The following BARD1 variants were observed in gnomAD, a reference collection of about 807,000 sequenced individuals.
The protein encoded by BARD1 is BRCA1-associated RING domain protein 1.
BARD1 carries 73 observed loss-of-function variants against 77.0 expected under a neutral mutation model. The ratio of observed to expected loss-of-function variants is 0.95; its 90% confidence interval spans 0.79 to 1.15. BARD1 has a LOEUF of 1.15. BARD1 is among the 50% of genes most tolerant of loss of function. BARD1 has a pLI of 0.00. For missense variants in BARD1, 993 were observed against 938.8 expected (o/e 1.06, Z -0.75); for synonymous variants, 384 against 338.0 (o/e 1.14, Z -1.49).
At position 214,745,771 on chromosome 2, in the gene BARD1, C is replaced by T. The variant is rs1060501284; in HGVS notation, c.1761G>A (p.Glu587=). ...LSSEQQKMLS[E]LAVILKAKKY... is the part of the protein sequence containing the mutation. ...TTTTAGCCTTAAGAATTACTGCAAG[C>T]TCACTGAGCATTTTCTGTTGTTCTG... Residue 587 remains glutamate (E), a synonymous_variant, in exon 8 of 11, where the codon GAG becomes GAA. Transcript: ENST00000260947. 6.2e-7 allele frequency: 1 copy of T among 1,614,056 alleles called. No homozygotes were observed.
At chr2:214,779,515 C>G (rs755072894) in intron 4 of BARD1, among the ~76,000 whole-genome samples, 4 of 152,156 alleles carry the variant, frequency 2.6e-5, no homozygotes, top group Non-Finnish European at 5.9e-5. Flanking sequence ...CCTCATTAAT[C>G]TGGAAGAAAA....
At chr2:214,741,986 T>C (rs1418171563) in intron 9 of BARD1, among the ~76,000 whole-genome samples, 1 of 152,196 alleles carries the variant, frequency 6.6e-6, no homozygotes, top group African/African-American at 2.4e-5. Flanking sequence ...ATAGAGAAAA[T>C]TACAAATAAA....
In BARD1 at chr2:214,730,401, A is replaced by G. The variant is rs769194998; in HGVS notation, c.2001+10T>C. 4 of 1,609,726 alleles carry G rather than the reference A, an allele frequency of 2.5e-6. No individual in the cohort carries two copies. The Admixed American group carries it at 5.0e-5, about 20-fold the overall frequency. The stretch of plus-strand genomic sequence containing the variant: ...TAAGAACAATGAAAGTTGTATTAAA[A>G]GAAAAATACCAGCTGTTCTCTGTTG... On this transcript the variant is annotated intron_variant, in intron 10 of 10. Transcript: ENST00000260947.
intron 9 of BARD1, among the ~76,000 whole-genome samples, chr2:214,740,327 C>T (rs6435851): frequency 0.034 from 5,184 of 152,024 alleles, 285 homozygotes; most frequent in African/African-American, 0.12. Context: ...GACCAAAGCC[C>T]TTCCCTATCC....
intron 7 of BARD1, among the ~76,000 whole-genome samples, chr2:214,747,179 T>C (rs1693163057): frequency 6.6e-6 from 1 of 152,026 alleles, no homozygotes; most frequent in African/African-American, 2.4e-5. Flanking sequence ...CTAGTTAGAA[T>C]GGCTATCATT....
rs947509938 is a variant in BARD1, at chr2:214,727,882, G to A, written c.*794C>T. 1 of 218,990 alleles carries A rather than the reference G, an allele frequency of 4.6e-6. No homozygotes were observed. The highest frequency in any genetic ancestry group is 5.8e-5 in the Admixed American group (1 of 17,280). 13.6% of individuals were successfully genotyped at this position (218,990 alleles called of 1,614,324 possible). A position where few individuals can be genotyped will look rare whatever the true frequency, so the allele number is the denominator to read the frequency against. ...GTTGGACTGACAATTTGCTAGACTG[G>A]TCAGACCTTTTAAAAAATACTAACA... is the stretch of plus-strand genomic sequence containing the variant. On this transcript the variant is annotated 3_prime_UTR_variant, in exon 11 of 11. Transcript: ENST00000260947.
intron 6 of BARD1, among the ~76,000 whole-genome samples, chr2:214,760,249 G>A (rs763779370): frequency 1.3e-5 from 2 of 152,168 alleles, no homozygotes; most frequent in Non-Finnish European, 2.9e-5. Flanking sequence ...TTGGAGGGTG[G>A]TGGCACGATC....
intron 6 of BARD1, among the ~76,000 whole-genome samples, chr2:214,761,808 G>T (rs1444711971): frequency 1.3e-5 from 2 of 151,884 alleles, no homozygotes; most frequent in Non-Finnish European, 2.9e-5. Flanking sequence ...TAACTCTATG[G>T]GTCAGTACTT....
chr2:214,781,264 T>C lies in BARD1; in HGVS notation c.610A>G (p.Lys204Glu). The change falls in exon 4 of 11, where the codon AAA becomes GAA. Residue 204 changes from lysine to glutamate, a missense_variant. Lys to Glu is a moderately conservative substitution (Grantham distance 56). Coordinates refer to ENST00000260947, the MANE Select transcript of BARD1 (RefSeq NM_000465.4). The stretch of plus-strand genomic sequence containing the variant: ...GCTAAAGTTTTCTTTTTTTGCTTTT[T>C]TCCAGATCTTGCAGAAGCCTTTTTA... ...RAKKASARSG[K>E]KQKKKTLAEI... The C allele has an allele frequency of 6.3e-7, 1 of 1,596,386 alleles. No individual in the cohort carries two copies. The highest frequency in any genetic ancestry group is 8.5e-7 in the Non-Finnish European group (1 of 1,175,720).
intron 7 of BARD1, among the ~76,000 whole-genome samples, chr2:214,746,494 G>A (rs1309077501): frequency 6.6e-6 from 1 of 152,044 alleles, no homozygotes; most frequent in East Asian, 1.9e-4. Context: ...TCTAGACTTA[G>A]AATTCACAGA....
intron 3 of BARD1, among the ~76,000 whole-genome samples, chr2:214,787,465 A>G (rs1186732075): frequency 1.3e-5 from 2 of 152,022 alleles, no homozygotes; most frequent in East Asian, 3.9e-4. Context: ...TGAATATCTA[A>G]GATAATATTC....
In BARD1 at chr2:214,809,677, C is replaced by T. The variant is rs963035634; in HGVS notation, c.-108G>A. 7.0e-7 allele frequency: 1 copy of T among 1,435,640 alleles called. No homozygotes were observed. The highest frequency in any genetic ancestry group is 2.5e-5 in the East Asian group (1 of 39,448). 88.9% of individuals were successfully genotyped at this position (1,435,640 alleles called of 1,614,324 possible). A position where few individuals can be genotyped will look rare whatever the true frequency, so the allele number is the denominator to read the frequency against. On this transcript the variant is annotated 5_prime_UTR_variant, in exon 1 of 11. Transcript: ENST00000260947. Reference sequence around the variant, plus strand: ...GACTCGAAACCGGCCAAGCTCTTCCCGCGTCTGGGACGGCGGGCCGCCAGA... The same window carrying T: ...GACTCGAAACCGGCCAAGCTCTTCCTGCGTCTGGGACGGCGGGCCGCCAGA...
chr2:214,807,235 G>A (rs1330097047), intron 1 of BARD1, among the ~76,000 whole-genome samples: 1 of 151,828 alleles, frequency 6.6e-6, no homozygotes, highest in African/African-American at 2.4e-5. Flanking sequence ...AAAATCAATA[G>A]CATTCAATAG....
chr2:214,785,940 C>G (rs1695254517), intron 3 of BARD1, among the ~76,000 whole-genome samples: 1 of 151,764 alleles, frequency 6.6e-6, no homozygotes. Flanking sequence ...GAGAGAGAGA[C>G]AGAGAAAAAG....
chr2:214,730,137 T>C (rs1692285382), intron 10 of BARD1: 4 of 461,188 alleles, frequency 8.7e-6, no homozygotes, highest in Non-Finnish European at 4.0e-6. Flanking sequence ...AAGTCTTCTT[T>C]CAAGCTACTT....
At chr2:214,762,667 C>T (rs1036758389) in intron 6 of BARD1, among the ~76,000 whole-genome samples, 6 of 152,098 alleles carry the variant, frequency 3.9e-5, no homozygotes, top group Middle Eastern at 3.2e-3. Flanking sequence ...GAATAACACA[C>T]GACATAAAGT....
intron 2 of BARD1, among the ~76,000 whole-genome samples, chr2:214,794,930 C>T (rs946195763): frequency 3.9e-5 from 6 of 152,146 alleles, no homozygotes; most frequent in Non-Finnish European, 8.8e-5. Context: ...AAGATGTTCT[C>T]GTGTCTCAAA....
At chr2:214,802,795 C>T (rs1668532570) in intron 1 of BARD1, among the ~76,000 whole-genome samples, 2 of 152,110 alleles carry the variant, frequency 1.3e-5, no homozygotes, top group Admixed American at 1.3e-4. Flanking sequence ...TGCATGGTAA[C>T]AGGATTTCTG....
chr2:214,780,860 G>C lies in BARD1; in HGVS notation c.1014C>G (p.Thr338=), dbSNP rs864622443. The change falls in exon 4 of 11, where the codon ACC becomes ACG. Residue 338 remains threonine, a synonymous_variant. Transcript: ENST00000260947. ...LSSPISKRCR[T]SILSTSGDFV... is the part of the protein sequence containing the mutation. ...AATCTCCACTGGTGCTCAGAATGCT[G>C]GTTCTACATCTCTTAGAAATGGGAC... 5 of 1,613,986 alleles carry C rather than the reference G, an allele frequency of 3.1e-6. No homozygotes were observed. The African/African-American group carries it at 5.3e-5, about 17-fold the overall frequency.
Sources: gnomAD v4.1 joint callset for allele counts (sites outside exome capture counted in the v4.1 genomes callset) on GRCh38, gnomAD v4.1.1 for gene constraint, MANE v1.5 for transcripts, NCBI Gene and HGNC (gene_info 2026-07-23, HGNC 2026-07-21) for gene names.